Variants in CTNNA2 observed in about 807,000 individuals in gnomAD.
The protein encoded by CTNNA2 is catenin alpha-2.
Under a neutral mutation model 101.0 loss-of-function variants are expected in CTNNA2, and 42 were observed. The ratio of observed to expected loss-of-function variants is 0.42; its 90% CI spans 0.32 to 0.54. The LOEUF is 0.54. CTNNA2 is among the 20% of genes least tolerant of loss of function. The pLI is 0.14. For synonymous variants in CTNNA2, 450 were observed against 456.4 expected (o/e 0.99, Z 0.18); for missense variants, 871 against 1,223.1 (o/e 0.71, Z 4.29).
intron 2 of CTNNA2, among the ~76,000 whole-genome samples, chr2:79,263,013 T>A (rs1278593667): frequency 6.6e-6 from 1 of 152,104 alleles, no homozygotes; most frequent in African/African-American, 2.4e-5. Flanking sequence ...ATTACATTTT[T>A]AAAAATTAAA....
intron 7 of CTNNA2, among the ~76,000 whole-genome samples, chr2:80,188,184 C>G (rs1234563915): frequency 1.3e-5 from 2 of 152,230 alleles, no homozygotes; most frequent in Non-Finnish European, 2.9e-5. Context: ...AAGCTGACAT[C>G]AGTCACATGT....
At chr2:80,449,334 A>C (rs1379337433) in intron 9 of CTNNA2, among the ~76,000 whole-genome samples, 1 of 151,554 alleles carries the variant, frequency 6.6e-6, no homozygotes, top group East Asian at 1.9e-4. Context: ...TACACTAAAT[A>C]AAATACACTT....
At chr2:80,512,700 C>G (rs1469720753) in intron 9 of CTNNA2, among the ~76,000 whole-genome samples, 1 of 150,880 alleles carries the variant, frequency 6.6e-6, no homozygotes, top group Non-Finnish European at 1.5e-5. Flanking sequence ...TGTTTGTTTT[C>G]CCTCCAAGAA....
intron 8 of CTNNA2, among the ~76,000 whole-genome samples, chr2:80,400,397 C>T (rs772440761): frequency 1.3e-5 from 2 of 152,144 alleles, no homozygotes; most frequent in Non-Finnish European, 2.9e-5. Context: ...AGCCCATTTG[C>T]TCCAGGATGT....
intron 7 of CTNNA2, among the ~76,000 whole-genome samples, chr2:80,349,826 T>C (rs1573801282): frequency 6.6e-6 from 1 of 152,280 alleles, no homozygotes; most frequent in East Asian, 1.9e-4. Context: ...GCTCTCCTGT[T>C]CATTTTCTCT....
intron 2 of CTNNA2, among the ~76,000 whole-genome samples, chr2:79,728,241 T>A (rs921944414): frequency 1.1e-4 from 17 of 152,046 alleles, no homozygotes; most frequent in Admixed American, 1.0e-3. Context: ...CAGCACCTGT[T>A]GTTTCCTGAC....
intron 7 of CTNNA2, among the ~76,000 whole-genome samples, chr2:80,375,527 C>T (rs1455642427): frequency 6.8e-6 from 1 of 146,100 alleles, no homozygotes; most frequent in Non-Finnish European, 1.5e-5. Flanking sequence ...TTACTCAGGA[C>T]TTTTTACTAC....
At chr2:79,463,693 T>G (rs1295118973) in intron 4 of CTNNA2, among the ~76,000 whole-genome samples, 1 of 152,162 alleles carries the variant, frequency 6.6e-6, no homozygotes, top group Admixed American at 6.5e-5. Context: ...AGAAAGTGAT[T>G]ATGTGGAAAA....
At chr2:80,046,702 A>C (rs1696553100) in intron 7 of CTNNA2, among the ~76,000 whole-genome samples, 1 of 152,148 alleles carries the variant, frequency 6.6e-6, no homozygotes, top group Non-Finnish European at 1.5e-5. Context: ...CCACCAAAGG[A>C]CTCGAAGAAG....
chr2:80,289,038 A>C (rs1675010518), intron 7 of CTNNA2: 1 of 152,104 alleles, frequency 6.6e-6, no homozygotes, highest in African/African-American at 2.4e-5. Context: ...GATGGGAGTA[A>C]TATGATGCGA....
At chr2:79,331,596 C>G (rs1208819916) in intron 3 of CTNNA2, among the ~76,000 whole-genome samples, 2 of 152,166 alleles carry the variant, frequency 1.3e-5, no homozygotes, top group Admixed American at 6.5e-5. Flanking sequence ...CAGTGGGTCT[C>G]CACTGGAGAA....
chr2:79,893,025 A>G (rs533519354), intron 6 of CTNNA2, among the ~76,000 whole-genome samples: 28 of 152,290 alleles, frequency 1.8e-4, no homozygotes, highest in Admixed American at 3.3e-4. Context: ...ATGGTCACAG[A>G]CATGTCTTAT....
intron 2 of CTNNA2, among the ~76,000 whole-genome samples, chr2:79,725,852 T>A (rs1439172354): frequency 2.0e-5 from 3 of 152,162 alleles, no homozygotes; most frequent in Admixed American, 6.5e-5. Context: ...GTTCTATGAG[T>A]CCAGGAGGAA....
At chr2:80,488,393 C>A (rs531058810) in intron 9 of CTNNA2, among the ~76,000 whole-genome samples, 1 of 151,910 alleles carries the variant, frequency 6.6e-6, no homozygotes, top group African/African-American at 2.4e-5. Context: ...GGGAAAATTC[C>A]CTAAGTCCCT....
At chr2:80,195,475 G>A (rs1006372875) in intron 7 of CTNNA2, among the ~76,000 whole-genome samples, 1 of 151,994 alleles carries the variant, frequency 6.6e-6, no homozygotes, top group Non-Finnish European at 1.5e-5. Flanking sequence ...TGTTTATTTT[G>A]ACAAATCGAG....
chr2:80,068,514 T>G (rs1369117950), intron 7 of CTNNA2, among the ~76,000 whole-genome samples: 1 of 152,230 alleles, frequency 6.6e-6, no homozygotes, highest in Non-Finnish European at 1.5e-5. Flanking sequence ...CTGTCACGCT[T>G]TGTTGGCTCA....
At chr2:80,254,365 A>G (rs140286208) in intron 7 of CTNNA2, among the ~76,000 whole-genome samples, 1 of 152,272 alleles carries the variant, frequency 6.6e-6, no homozygotes, top group Admixed American at 6.5e-5. Context: ...GCTAGAAACT[A>G]AAAGTTGGGA....
chr2:80,577,622 A>G (rs1695167349), intron 13 of CTNNA2, among the ~76,000 whole-genome samples: 1 of 144,568 alleles, frequency 6.9e-6, no homozygotes, highest in African/African-American at 2.6e-5. Flanking sequence ...AGGAACCTCC[A>G]GAATAATCCA....
At chr2:79,857,649 A>AG (rs1681243939) in intron 3 of CTNNA2, among the ~76,000 whole-genome samples, 2 of 152,208 alleles carry the variant, frequency 1.3e-5, no homozygotes, top group African/African-American at 4.8e-5. Context: ...AACTTCAATG[A>AG]GTTGCATGGT....
Sources: gnomAD v4.1 joint callset for allele counts (sites outside exome capture counted in the v4.1 genomes callset) on GRCh38, gnomAD v4.1.1 for gene constraint, MANE v1.5 for transcripts, NCBI Gene and HGNC (gene_info 2026-07-23, HGNC 2026-07-21) for gene names.